Variants in MEIG1 observed in about 807,000 individuals in gnomAD.
The protein encoded by MEIG1 is meiosis/spermiogenesis associated 1, also known as meiosis expressed gene 1 protein homolog.
MEIG1 carries 12 observed loss-of-function variants against 11.3 expected under a neutral mutation model. That is an observed-to-expected ratio of 1.07 (90% CI 0.68 to 1.73). The LOEUF is 1.73. Ranked by LOEUF, MEIG1 falls within the 40% of genes most tolerant of loss-of-function variation. MEIG1 has a pLI of 0.00. For synonymous variants in MEIG1, 41 were observed against 33.2 expected (o/e 1.24, Z -0.81); for missense variants, 119 against 104.9 (o/e 1.13, Z -0.59).
upstream of MEIG1, among the ~76,000 whole-genome samples, chr10:14,957,863 G>C (rs953844267): frequency 6.6e-6 from 1 of 152,236 alleles, no homozygotes; most frequent in South Asian, 2.1e-4. Context: ...GGCCAGGCTG[G>C]TCTCGAACTC....
chr10:14,966,718 A>G, intron 2 of MEIG1, 112 bp downstream of exon 2: 1 of 980,612 alleles, frequency 1.0e-6, no homozygotes, highest in Non-Finnish European at 1.5e-6. Context: ...CAACTCTCTC[A>G]TTTTATTTGT....
At chr10:14,985,888 A>G (rs1031359676) in intron 1 of MEIG1, among the ~76,000 whole-genome samples, 4 of 152,028 alleles carry the variant, frequency 2.6e-5, no homozygotes, top group African/African-American at 7.2e-5. Context: ...AACTCCTGAT[A>G]TCACAGTGCG....
At chr10:14,984,786 G>T (rs1843301644) in intron 1 of MEIG1, among the ~76,000 whole-genome samples, 1 of 152,058 alleles carries the variant, frequency 6.6e-6, no homozygotes, top group Non-Finnish European at 1.5e-5. Context: ...TTATAATTTT[G>T]TGGGATGTTA....
chr10:14,971,196 C>T (rs1034536467), intron 2 of MEIG1, among the ~76,000 whole-genome samples: 100 of 84,792 alleles, frequency 1.2e-3, no homozygotes, highest in African/African-American at 4.0e-3. Context: ...AGACCAACCT[C>T]GGCAACATAT....
At chr10:14,979,563 G>A (rs549607138) in intron 1 of MEIG1, among the ~76,000 whole-genome samples, 118 of 151,942 alleles carry the variant, frequency 7.8e-4, no homozygotes, top group African/African-American at 2.7e-3. Context: ...ATATTCTAGC[G>A]GGATTTTACT....
chr10:14,988,005 G>A (rs1187545640), exon 3 of MEIG1: 2 of 152,564 alleles, frequency 1.3e-5, no homozygotes, highest in African/African-American at 4.8e-5. Context: ...TCATCCTTCG[G>A]TTTTCTGACA....
At chr10:14,985,523 G>A (rs1306180134) in intron 1 of MEIG1, among the ~76,000 whole-genome samples, 1 of 151,850 alleles carries the variant, frequency 6.6e-6, no homozygotes, top group South Asian at 2.1e-4. Context: ...TATGTCATAC[G>A]TATTCAATGC....
At chr10:14,958,316 T>C (rs765207949), upstream of MEIG1, among the ~76,000 whole-genome samples, 3 of 152,254 alleles carry the variant, frequency 2.0e-5, no homozygotes, top group Non-Finnish European at 2.9e-5. Context: ...TTTTTGTTTT[T>C]AGTTTTACTA....
chr10:14,969,667 T>G (rs1294322347), intron 2 of MEIG1, among the ~76,000 whole-genome samples: 1 of 151,954 alleles, frequency 6.6e-6, no homozygotes, highest in African/African-American at 2.4e-5. Context: ...AAACCCTGTC[T>G]CTACTAAAAA....
intron 2 of MEIG1, among the ~76,000 whole-genome samples, chr10:14,968,666 T>G (rs1226619312): frequency 6.6e-6 from 1 of 152,210 alleles, no homozygotes; most frequent in Non-Finnish European, 1.5e-5. Context: ...GTGACTTCCA[T>G]GTATCTGTCT....
At chr10:14,956,644 G>A (rs1037305919), upstream of MEIG1, among the ~76,000 whole-genome samples, 1 of 152,166 alleles carries the variant, frequency 6.6e-6, no homozygotes, top group African/African-American at 2.4e-5. Flanking sequence ...ATTCAGGTAG[G>A]AAGCTGCTGC....
At chr10:14,981,239 C>T (rs532435021) in intron 1 of MEIG1, among the ~76,000 whole-genome samples, 14,263 of 140,608 alleles carry the variant, frequency 0.1, 1,329 homozygotes, top group African/African-American at 0.26. Context: ...CTCTCTTGGC[C>T]TGGCTCAGTT....
chr10:14,975,643 G>T (rs1004441296), downstream of MEIG1, among the ~76,000 whole-genome samples: 5 of 151,994 alleles, frequency 3.3e-5, no homozygotes, highest in South Asian at 2.1e-4. Context: ...CGCAGGGTGT[G>T]TACAGCCCCC....
chr10:14,973,270 C>A (rs1259316276), downstream of MEIG1, among the ~76,000 whole-genome samples: 3 of 152,174 alleles, frequency 2.0e-5, no homozygotes, highest in South Asian at 2.1e-4. Flanking sequence ...AGCAGATAGT[C>A]TTAGTGCTCC....
At chr10:14,967,728 A>G (rs373989000) in intron 2 of MEIG1, among the ~76,000 whole-genome samples, 3 of 152,276 alleles carry the variant, frequency 2.0e-5, no homozygotes, top group East Asian at 1.9e-4. Context: ...CAAAACAACT[A>G]CTAGTAACCT....
downstream of MEIG1, among the ~76,000 whole-genome samples, chr10:14,974,125 T>C (rs1175096635): frequency 6.6e-6 from 1 of 152,192 alleles, no homozygotes; most frequent in African/African-American, 2.4e-5. Flanking sequence ...CCAAGAGAGC[T>C]TCCCTGTCTG....
At chr10:14,967,341 A>G (rs1589209658) in intron 2 of MEIG1, among the ~76,000 whole-genome samples, 2 of 126,546 alleles carry the variant, frequency 1.6e-5, no homozygotes, top group South Asian at 4.6e-4. Context: ...CCTTACAAAC[A>G]AAAGTGTTAG....
chr10:14,964,314 G>A (rs749722252), intron 1 of MEIG1, among the ~76,000 whole-genome samples: 1 of 151,762 alleles, frequency 6.6e-6, no homozygotes, highest in Non-Finnish European at 1.5e-5. Flanking sequence ...TCATATTGAA[G>A]AAATATTTGT....
Position 14,966,625 on chromosome 10 carries a change from C to T in MEIG1, c.138+19C>T. ...TTCTATGGTAAGATTTCTGTCTCTA[C>T]AAACCTCAACTCGAAATGTATTTCT... On this transcript the variant is annotated intron_variant, in intron 2 of 2. Coordinates refer to ENST00000407572, the MANE Select transcript of MEIG1 (RefSeq NM_001080836.3). The T allele has an allele frequency of 6.3e-7, 1 of 1,597,394 alleles. No homozygotes were observed. Among genetic ancestry groups the T allele is most frequent in the African/African-American group, 1.4e-5 (1 of 73,908 alleles).
Sources: gnomAD v4.1 joint callset for allele counts (sites outside exome capture counted in the v4.1 genomes callset) on GRCh38, gnomAD v4.1.1 for gene constraint, MANE v1.5 for transcripts, NCBI Gene and HGNC (gene_info 2026-07-23, HGNC 2026-07-21) for gene names.